IFT80: variants seen among roughly 807,000 people sequenced by gnomAD.
IFT80 encodes intraflagellar transport 80, also known as intraflagellar transport protein 80 homolog.
A neutral mutation model predicts 107.9 loss-of-function variants in IFT80; 79 were observed. That is an observed-to-expected ratio of 0.73 (90% confidence interval 0.61 to 0.88). IFT80 has a LOEUF of 0.88. Ranked by LOEUF, IFT80 falls within the 40% of genes least tolerant of loss-of-function variation. The pLI is 0.00. For synonymous variants in IFT80, 299 were observed against 300.9 expected (o/e 0.99, Z 0.07); for missense variants, 797 against 914.2 (o/e 0.87, Z 1.65).
chr3:160,295,692 C>T (rs1379524513), intron 12 of IFT80, among the ~76,000 whole-genome samples: 1 of 152,180 alleles, frequency 6.6e-6, no homozygotes, highest in African/African-American at 2.4e-5. Flanking sequence ...GAGATATTTG[C>T]ATTCCCATGT....
intron 18 of IFT80, among the ~76,000 whole-genome samples, chr3:160,272,556 T>C (rs1265179483): frequency 6.6e-6 from 1 of 152,166 alleles, no homozygotes; most frequent in African/African-American, 2.4e-5. Context: ...TCATCCCTTC[T>C]GATCTCTATT....
chr3:160,366,268 C>G (rs1721858072), intron 5 of IFT80, 116 bp from the exon 6 acceptor site: 2 of 742,528 alleles, frequency 2.7e-6, no homozygotes, highest in Non-Finnish European at 2.3e-6. Flanking sequence ...TTCATTTCTT[C>G]TCTTTTCAAT....
intron 8 of IFT80, 148 bp downstream of exon 8, chr3:160,355,865 G>T: frequency 1.0e-6 from 1 of 952,486 alleles, no homozygotes; most frequent in Non-Finnish European, 1.7e-6. Flanking sequence ...ATCTGGAATT[G>T]ATTGAACCAG....
intron 8 of IFT80, among the ~76,000 whole-genome samples, chr3:160,333,825 A>C (rs779529533): frequency 1.3e-5 from 2 of 152,240 alleles, no homozygotes; most frequent in African/African-American, 2.4e-5. Flanking sequence ...AGAATAGTAT[A>C]AGAAATATAT....
intron 12 of IFT80, among the ~76,000 whole-genome samples, chr3:160,287,092 C>A (rs971859262): frequency 6.6e-6 from 1 of 152,176 alleles, no homozygotes; most frequent in Non-Finnish European, 1.5e-5. Context: ...AAACCCCATA[C>A]AAATTCTGAA....
intron 8 of IFT80, among the ~76,000 whole-genome samples, chr3:160,322,754 T>C (rs1401089732): frequency 1.3e-5 from 2 of 152,150 alleles, no homozygotes; most frequent in East Asian, 1.9e-4. Context: ...GGTATCTCAT[T>C]GTGCTTTTGA....
chr3:160,261,413 A>C (rs1712818757), intron 19 of IFT80, among the ~76,000 whole-genome samples: 1 of 151,040 alleles, frequency 6.6e-6, no homozygotes, highest in African/African-American at 2.4e-5. Context: ...TAATAAACAA[A>C]GATAAAAATG....
chr3:160,300,045 A>G (rs1432933182), intron 12 of IFT80, among the ~76,000 whole-genome samples: 1 of 152,030 alleles, frequency 6.6e-6, no homozygotes, highest in Non-Finnish European at 1.5e-5. Flanking sequence ...GCCTTCTGGC[A>G]GTTCCTTTAA....
chr3:160,286,624 T>C (rs1715112437), intron 12 of IFT80, among the ~76,000 whole-genome samples: 1 of 152,178 alleles, frequency 6.6e-6, no homozygotes, highest in South Asian at 2.1e-4. Flanking sequence ...TTGTCTTCTT[T>C]GGTGGGTCTG....
chr3:160,307,976 C>T (rs1372030344), intron 9 of IFT80, among the ~76,000 whole-genome samples, 195 bp from the exon 10 acceptor site: 1 of 152,002 alleles, frequency 6.6e-6, no homozygotes, highest in Non-Finnish European at 1.5e-5. Context: ...AGCATAGATA[C>T]AGAAAATCTC....
chr3:160,381,480 T>C (rs1290759128), intron 3 of IFT80, 23 bp downstream of exon 3: 5 of 1,531,344 alleles, frequency 3.3e-6, no homozygotes, highest in Non-Finnish European at 4.5e-6. Flanking sequence ...ATGGCGAGCA[T>C]ATAATGTTTA....
At chr3:160,395,913 T>G (rs1035871528) in intron 1 of IFT80, among the ~76,000 whole-genome samples, 1 of 152,302 alleles carries the variant, frequency 6.6e-6, no homozygotes, top group East Asian at 1.9e-4. Flanking sequence ...CTGTAATTAT[T>G]TCTTCTTCTT....
chr3:160,268,088 T>C (rs182122324), intron 19 of IFT80, among the ~76,000 whole-genome samples: 1 of 152,336 alleles, frequency 6.6e-6, no homozygotes, highest in East Asian at 1.9e-4. Flanking sequence ...AAGAGGCAGC[T>C]TGTGGCAGGT....
chr3:160,398,657 A>C lies in IFT80; in HGVS notation c.-47+489T>G, dbSNP rs59698325. 4.3e-3 allele frequency among the ~76,000 whole-genome samples: 648 copies of C among 152,102 alleles called. 1 individual carries two copies. The highest frequency in any genetic ancestry group is 0.011 in the African/African-American group (446 of 41,484). ...CAGATCCACAGACCTCAGGTTAAAA[A>C]CCCACTAAAACTAAGTTCTCGGGGA... On this transcript the variant is annotated intron_variant, in intron 1 of 19. Transcript: ENST00000326448.
chr3:160,388,954 AT>A (rs1439220307), intron 1 of IFT80, among the ~76,000 whole-genome samples: 10 of 152,364 alleles, frequency 6.6e-5, no homozygotes, highest in African/African-American at 2.4e-4. Flanking sequence ...TCCCCTAGAG[AT>A]TCTAGAAAGA....
At chr3:160,272,252 T>C (rs957910218) in intron 18 of IFT80, among the ~76,000 whole-genome samples, 29 of 152,270 alleles carry the variant, frequency 1.9e-4, no homozygotes, top group Admixed American at 1.2e-3. Context: ...AAAACACTTA[T>C]GAGTGAAACA....
At chr3:160,366,175 A>T (rs749771571) in intron 5 of IFT80, 23 bp from the exon 6 acceptor site, 5 of 1,525,428 alleles carry the variant, frequency 3.3e-6, no homozygotes, top group Non-Finnish European at 2.7e-6. Context: ...AAAAGAAAAA[A>T]AAAAGGCTGA....
intron 1 of IFT80, among the ~76,000 whole-genome samples, chr3:160,395,746 G>C (rs543943726): frequency 6.6e-6 from 1 of 152,118 alleles, no homozygotes; most frequent in Non-Finnish European, 1.5e-5. Flanking sequence ...TTCAAAGCAA[G>C]GAAAGAAACC....
chr3:160,393,649 G>A (rs1713547030), intron 1 of IFT80, among the ~76,000 whole-genome samples: 1 of 151,958 alleles, frequency 6.6e-6, no homozygotes, highest in African/African-American at 2.4e-5. Flanking sequence ...TCACTGAACT[G>A]TACACTTTAA....
Sources: allele counts gnomAD v4.1 joint callset (sites outside exome capture counted in the v4.1 genomes callset), GRCh38; gene constraint gnomAD v4.1.1; transcripts MANE v1.5; gene names NCBI Gene and HGNC (gene_info 2026-07-23, HGNC 2026-07-21).